The following UROS variants were observed in gnomAD, a reference collection of about 807,000 sequenced individuals.
UROS encodes uroporphyrinogen III synthase, also known as uroporphyrinogen-III synthase.
A neutral mutation model predicts 33.0 loss-of-function variants in UROS; 18 were observed. The ratio of observed to expected loss-of-function variants is 0.55; its 90% confidence interval spans 0.38 to 0.81. The LOEUF is 0.81. Among genes scored for constraint, UROS ranks in the 30% least tolerant of loss-of-function variants. The pLI, the probability that UROS is intolerant of heterozygous loss-of-function variation, is 0.00. For synonymous variants in UROS, 114 were observed against 121.1 expected, an observed-to-expected ratio of 0.94 and a Z score of 0.38; for missense variants, 293 against 314.9, an observed-to-expected ratio of 0.93 and a Z score of 0.53.
At chr10:125,813,987 C>A (rs1475965338) in intron 4 of UROS, among the ~76,000 whole-genome samples, 2 of 152,224 alleles carry the variant, frequency 1.3e-5, no homozygotes, top group Admixed American at 1.3e-4. Flanking sequence ...TCAGACTCTG[C>A]AGCTTGAATC....
chr10:125,804,566 T>G lies in UROS; in HGVS notation c.394+2847A>C, dbSNP rs117516596. Among the ~76,000 whole-genome samples, 150 of 152,302 alleles carry G rather than the reference T, an allele frequency of 9.8e-4. 1 individual carries two copies. In the East Asian group the frequency reaches 0.02, roughly 20 times the overall value. On this transcript the variant is annotated intron_variant, in intron 6 of 9. Coordinates refer to ENST00000368797, the MANE Select transcript of UROS (RefSeq NM_000375.3). ...ACAGAGGTCCCTCAGCATCCAATAC[T>G]TGTATCTAAAGTGGGGGACAGTTTG...
At chr10:125,816,374 T>C (rs1322187929) in intron 2 of UROS, 63 bp downstream of exon 2, 2 of 1,609,524 alleles carry the variant, frequency 1.2e-6, no homozygotes, top group Non-Finnish European at 8.5e-7. Context: ...CATCCCTGCC[T>C]GCTCCAGGCC....
intron 6 of UROS, chr10:125,807,153 T>C: frequency 2.0e-6 from 1 of 496,738 alleles, no homozygotes; most frequent in Non-Finnish European, 3.7e-6. Flanking sequence ...TCCACTGTTT[T>C]TATCTCCCAA....
At chr10:125,803,838 C>G (rs1852064043) in intron 6 of UROS, among the ~76,000 whole-genome samples, 1 of 152,248 alleles carries the variant, frequency 6.6e-6, no homozygotes, top group Admixed American at 6.5e-5. Flanking sequence ...CAGTGGCTCC[C>G]TCTGAGTGGG....
chr10:125,796,074 T>C (rs1392284290), intron 8 of UROS, 29 bp downstream of exon 8: 1 of 1,612,022 alleles, frequency 6.2e-7, no homozygotes, highest in African/African-American at 1.3e-5. Context: ...GCACCCACCC[T>C]GCCAGAACCG....
intron 1 of UROS, among the ~76,000 whole-genome samples, chr10:125,822,163 T>C (rs986160923): frequency 3.3e-5 from 5 of 152,136 alleles, no homozygotes; most frequent in Non-Finnish European, 7.3e-5. Flanking sequence ...TGATGAACCC[T>C]GTTTCTCTCG....
In UROS at chr10:125,822,013, T is replaced by C. The variant is rs986414057; in HGVS notation, c.-27+1016A>G. On this transcript the variant is annotated intron_variant, in intron 1 of 9. Coordinates refer to ENST00000368797, the MANE Select transcript of UROS (RefSeq NM_000375.3). ...TCGTACTGATGAAGGATCACTGATT[T>C]ATCAGATGTTACCCTGCTTAAACAG... Among the ~76,000 whole-genome samples, 7 of 152,290 alleles carry C rather than the reference T, an allele frequency of 4.6e-5. No homozygotes were observed. In the South Asian group the frequency reaches 1.5e-3, roughly 32 times the overall value.
At chr10:125,807,319 G>C in intron 6 of UROS, 94 bp downstream of exon 6, 2 of 1,086,070 alleles carry the variant, frequency 1.8e-6, no homozygotes, top group Non-Finnish European at 2.8e-6. Flanking sequence ...TCACCACCAA[G>C]AATGCACTGA....
intron 9 of UROS, among the ~76,000 whole-genome samples, chr10:125,790,615 C>T (rs897269806): frequency 6.6e-6 from 1 of 151,386 alleles, no homozygotes; most frequent in Admixed American, 6.6e-5. Flanking sequence ...TCGAGACCAG[C>T]CTGGCCAACA....
chr10:125,821,865 TGTAA>T (rs1430425498), intron 1 of UROS, among the ~76,000 whole-genome samples: 3 of 152,172 alleles, frequency 2.0e-5, no homozygotes, highest in Admixed American at 1.3e-4. Flanking sequence ...AGCGCTGATG[TGTAA>T]GTATTACTTT....
intron 3 of UROS, 54 bp from the exon 4 acceptor site, chr10:125,815,184 T>G (rs538231549): frequency 1.3e-6 from 2 of 1,588,338 alleles, no homozygotes; most frequent in South Asian, 2.2e-5. Context: ...GTTCAACATC[T>G]TCCAAGGAGC....
downstream of UROS, among the ~76,000 whole-genome samples, chr10:125,786,291 T>C (rs1267790257): frequency 6.6e-6 from 1 of 152,030 alleles, no homozygotes; most frequent in African/African-American, 2.4e-5. Flanking sequence ...TTTTTTTTTT[T>C]TTTTAGACAG....
rs10901437 is a variant in UROS, at chr10:125,798,316, C to T, written c.395-171G>A. Among the ~76,000 whole-genome samples, 63,167 of 151,964 alleles carry T rather than the reference C, an allele frequency of 0.42. 13,395 individuals are homozygous for T. Among genetic ancestry groups the T allele is most frequent in the Non-Finnish European group, 0.46 (31,281 of 67,972 alleles). ...ACAGGAAGAGCACCTGCTACCTTGC[C>T]GAACTTGAAGGGTTGTTATATGAAG... On this transcript the variant is annotated intron_variant, in intron 6 of 9. Coordinates refer to ENST00000368797, the MANE Select transcript of UROS (RefSeq NM_000375.3).
At chr10:125,797,559 T>C (rs1851466056) in intron 7 of UROS, among the ~76,000 whole-genome samples, 1 of 152,172 alleles carries the variant, frequency 6.6e-6, no homozygotes, top group Non-Finnish European at 1.5e-5. Flanking sequence ...AGCTAAGACA[T>C]CTGCATCGAG....
intron 4 of UROS, 104 bp downstream of exon 4, chr10:125,814,930 C>T (rs1853163030): frequency 2.4e-6 from 3 of 1,270,950 alleles, no homozygotes; most frequent in Non-Finnish European, 3.4e-6. Flanking sequence ...CCACTAAGCA[C>T]TCACTTCTCT....
At chr10:125,809,677 T>C (rs898913636) in intron 5 of UROS, among the ~76,000 whole-genome samples, 1 of 152,196 alleles carries the variant, frequency 6.6e-6, no homozygotes, top group African/African-American at 2.4e-5. Context: ...CTATCAACAA[T>C]GTTAAGTGAG....
intron 6 of UROS, among the ~76,000 whole-genome samples, chr10:125,803,461 T>C (rs1852015054): frequency 1.3e-5 from 2 of 152,198 alleles, no homozygotes; most frequent in African/African-American, 4.8e-5. Flanking sequence ...CAGGCCCTGC[T>C]CTTAGACTGC....
rs1850711541 is a variant in UROS at position 125,788,761 on chromosome 10, C to T, written c.*107G>A. On this transcript the variant is annotated 3_prime_UTR_variant, in exon 10 of 10. Transcript: ENST00000368797. ...CAGGTGCTTCCACTCAGGCTTGAGG[C>T]AGGAGTCTGACGGCAGCAGCTCCCG... 1 of 1,473,064 alleles carries T rather than the reference C, an allele frequency of 6.8e-7. No individual in the cohort carries two copies. The highest frequency in any genetic ancestry group is 1.4e-5 in the African/African-American group (1 of 71,330). The allele number at this position is 1,473,064 out of a possible 1,614,324, so 91.2% of individuals were successfully genotyped here.
downstream of UROS, among the ~76,000 whole-genome samples, chr10:125,786,277 CCT>C (rs1491427357): frequency 6.6e-6 from 1 of 150,938 alleles, no homozygotes; most frequent in African/African-American, 2.4e-5. Context: ...TGCACATGAA[CCT>C]TTTTTTTTTT....
Sources: gnomAD v4.1 joint callset for allele counts (sites outside exome capture counted in the v4.1 genomes callset) on GRCh38, gnomAD v4.1.1 for gene constraint, MANE v1.5 for transcripts, NCBI Gene and HGNC (gene_info 2026-07-23, HGNC 2026-07-21) for gene names.